Variants in CCDC40 observed in about 807,000 individuals in gnomAD.
The protein encoded by CCDC40 is coiled-coil domain 40 molecular ruler complex subunit.
In CCDC40, 104 loss-of-function variants were observed where a neutral mutation model predicts 124.5. The ratio of observed to expected loss-of-function variants is 0.84; its 90% CI spans 0.71 to 0.98. The LOEUF (loss-of-function observed/expected upper bound fraction) is 0.98, where lower values mean the gene tolerates loss of function less well. Among genes scored for constraint, CCDC40 ranks in the 50% least tolerant of loss-of-function variants. The pLI is 0.00. For missense variants in CCDC40, 1,463 were observed against 1,503.9 expected, an observed-to-expected ratio of 0.97 and a Z score of 0.45; for synonymous variants, 580 against 602.9, an observed-to-expected ratio of 0.96 and a Z score of 0.56.
At chr17:80,067,830 C>T in intron 10 of CCDC40, 1 of 1,427,082 alleles carries the variant, frequency 7.0e-7, no homozygotes, top group Non-Finnish European at 9.1e-7. Context: ...CATGTTGTCA[C>T]ACTTCAGGAC....
At position 80,099,976 on chromosome 17, in the gene CCDC40, GT is replaced by G; in HGVS notation, c.*204del. 1.6e-6 allele frequency: 1 copy of G among 617,868 alleles called. No individual in the cohort carries two copies. The highest frequency in any genetic ancestry group is 2.8e-6 in the Non-Finnish European group (1 of 354,742). 38.3% of individuals were successfully genotyped at this position (617,868 alleles called of 1,614,324 possible). A position where few individuals can be genotyped will look rare whatever the true frequency, so the allele number is the denominator to read the frequency against. ...TTAATAAACCAGGTAAAATCCTAGC[GT>G]TTCCCATGGCATCCCATCGCAAAGA... On this transcript the variant is annotated 3_prime_UTR_variant, in exon 20 of 20. Coordinates refer to ENST00000397545, the MANE Select transcript of CCDC40 (RefSeq NM_017950.4).
intron 12 of CCDC40, among the ~76,000 whole-genome samples, chr17:80,083,184 G>T (rs1397510054): frequency 6.6e-6 from 1 of 151,778 alleles, no homozygotes; most frequent in African/African-American, 2.4e-5. Flanking sequence ...GACTGAAGGG[G>T]ACTTGGAGCC....
At chr17:80,091,628 CCAAT>C (rs61094839) in intron 17 of CCDC40, among the ~76,000 whole-genome samples, 6,093 of 145,160 alleles carry the variant, frequency 0.042, 160 homozygotes, top group East Asian at 0.14. Flanking sequence ...TGTTCAAATG[CCAAT>C]CATTTCCAGG....
chr17:80,095,182 C>A, intron 17 of CCDC40, 81 bp from the exon 18 acceptor site: 3 of 1,334,772 alleles, frequency 2.2e-6, no homozygotes, highest in Non-Finnish European at 3.2e-6. Flanking sequence ...GGAGGATGAG[C>A]GAGGCCAGCG....
At chr17:80,091,464 G>T (rs1362977817) in intron 17 of CCDC40, among the ~76,000 whole-genome samples, 3 of 152,134 alleles carry the variant, frequency 2.0e-5, no homozygotes, top group Non-Finnish European at 4.4e-5. Context: ...CCATGATTCA[G>T]TCAAGTCTAA....
At position 80,087,385 on chromosome 17, in the gene CCDC40, C is replaced by G. The variant is rs145341292; in HGVS notation, c.2450-222C>G. On this transcript the variant is annotated intron_variant, in intron 14 of 19. Transcript: ENST00000397545. The surrounding 1 kb of genome is among the most constrained non-coding windows in gnomAD (Gnocchi z 4.5). Reference sequence around the variant, plus strand: ...CTCTCAGTTCCGTTGGAGGACCAGGCTTTGGGAGCTTAGCAGCCAAAAAGA... The same window carrying G: ...CTCTCAGTTCCGTTGGAGGACCAGGGTTTGGGAGCTTAGCAGCCAAAAAGA... 11 of 588,928 alleles carry G rather than the reference C, an allele frequency of 1.9e-5. No homozygotes were observed. Among genetic ancestry groups the G allele is most frequent in the Middle Eastern group, 4.5e-4 (1 of 2,204 alleles). 36.5% of individuals were successfully genotyped at this position (588,928 alleles called of 1,614,324 possible). A position where few individuals can be genotyped will look rare whatever the true frequency, so the allele number is the denominator to read the frequency against.
rs1004822711 is a variant in CCDC40, at chr17:80,058,886, G to A, written c.1346G>A (p.Arg449Gln). ...CTGTATGTGGACCAGCTCACCACTC[G>A]AGCCCAGCAACTGGAAGAAGACATT... ...QDLYVDQLTT[R>Q]AQQLEEDIAL... The change falls in exon 9 of 20, where the codon CGA (arginine) becomes CAA (glutamine). Residue 449 changes from arginine (R) to glutamine (Q), a missense_variant. Arg to Gln is a conservative substitution (Grantham distance 43). Coordinates refer to ENST00000397545, the MANE Select transcript of CCDC40 (RefSeq NM_017950.4). This position sits in a 1 kb window ranked among gnomAD's most constrained non-coding sequence, Gnocchi z 4.2. 8 of 1,613,988 alleles carry A rather than the reference G, an allele frequency of 5.0e-6. No individual in the cohort carries two copies. Among genetic ancestry groups the A allele is most frequent in the South Asian group, 3.3e-5 (3 of 91,078 alleles).
rs2038592316 is a variant in CCDC40, at chr17:80,086,511, C to A, written c.2449+295C>A. ...ATGGAAGGTTATCATCCCCGCCAAG[C>A]CAGGGCACTCAGGTGGAAACACTGG... is the stretch of plus-strand genomic sequence containing the variant. On this transcript the variant is annotated intron_variant, in intron 14 of 19. Coordinates refer to ENST00000397545, the MANE Select transcript of CCDC40 (RefSeq NM_017950.4). This position sits in a 1 kb window ranked among gnomAD's most constrained non-coding sequence, Gnocchi z 5.5. 2.6e-6 allele frequency: 1 copy of A among 389,696 alleles called. No individual in the cohort carries two copies. The highest frequency in any genetic ancestry group is 2.1e-5 in the African/African-American group (1 of 48,128). The allele number at this position is 389,696 out of a possible 1,614,324, so 24.1% of individuals were successfully genotyped here.
intron 3 of CCDC40, among the ~76,000 whole-genome samples, chr17:80,044,953 T>C (rs909660693): frequency 5.3e-5 from 8 of 152,098 alleles, no homozygotes; most frequent in African/African-American, 7.2e-5. Flanking sequence ...ACAGTGTGAG[T>C]GGAGCTTGTG....
chr17:80,092,798 C>T (rs567361538), intron 17 of CCDC40, among the ~76,000 whole-genome samples: 159 of 152,102 alleles, frequency 1.0e-3, no homozygotes, highest in African/African-American at 3.7e-3. Context: ...TTTCATGGAT[C>T]GTTTCAGTAG....
intron 7 of CCDC40, among the ~76,000 whole-genome samples, chr17:80,056,433 A>T (rs1273156914): frequency 2.0e-5 from 3 of 151,682 alleles, no homozygotes; most frequent in African/African-American, 7.3e-5. Flanking sequence ...CAGCCTGGGC[A>T]ATGCGGCAAA....
At position 80,058,770 on chromosome 17, in the gene CCDC40, G is replaced by A; in HGVS notation, c.1318-88G>A. The A allele has an allele frequency of 1.2e-6, 2 of 1,608,476 alleles. No individual in the cohort carries two copies. The highest frequency in any genetic ancestry group is 1.7e-6 in the Non-Finnish European group (2 of 1,175,312). On this transcript the variant is annotated intron_variant, in intron 8 of 19. Coordinates refer to ENST00000397545, the MANE Select transcript of CCDC40 (RefSeq NM_017950.4). This position sits in a 1 kb window ranked among gnomAD's most constrained non-coding sequence, Gnocchi z 4.2. ...CGGAGGGGTGGCGGCCGGCCTGGGT[G>A]GCGTCAACTTGTATCAAGGGTTGGT...
rs781191402 is a variant in CCDC40 at position 80,087,813 on chromosome 17, G to A, written c.2619+37G>A. 8.8e-6 allele frequency: 14 copies of A among 1,599,824 alleles called. No individual in the cohort carries two copies. The highest frequency in any genetic ancestry group is 4.0e-5 in the African/African-American group (3 of 74,602). On this transcript the variant is annotated intron_variant, in intron 15 of 19. Transcript: ENST00000397545. The surrounding 1 kb of genome is among the most constrained non-coding windows in gnomAD (Gnocchi z 4.5). ...TCCACGCAGTCCCGGGGCTCAGGAC[G>A]ATGGAGGGCGGGGGTACGGTCCTTG...
intron 17 of CCDC40, among the ~76,000 whole-genome samples, chr17:80,094,821 A>G (rs188886561): frequency 6.6e-5 from 10 of 152,256 alleles, no homozygotes; most frequent in African/African-American, 2.2e-4. Flanking sequence ...CCCGCAGCCA[A>G]TCCTCACGCT....
intron 3 of CCDC40, among the ~76,000 whole-genome samples, chr17:80,045,432 C>T (rs372539008): frequency 7.2e-5 from 11 of 152,058 alleles, no homozygotes; most frequent in Admixed American, 2.0e-4. Context: ...AAATGGATGC[C>T]GGGCACAGTG....
rs1347299155 is a variant in CCDC40 at position 80,051,308 on chromosome 17, CAG to C, written c.1159+1028_1159+1029del. Reference sequence around the variant, plus strand: ...AAAGTGGAAGAGGTTCTGGAAATTTCAGAGTTAGGGTAAGTGGGCACTTATCA... The same window carrying C: ...AAAGTGGAAGAGGTTCTGGAAATTTCAGTTAGGGTAAGTGGGCACTTATCA... On this transcript the variant is annotated intron_variant, in intron 7 of 19. Coordinates refer to ENST00000397545, the MANE Select transcript of CCDC40 (RefSeq NM_017950.4). 7 of 983,822 alleles carry C rather than the reference CAG, an allele frequency of 7.1e-6. No individual in the cohort carries two copies. In the African/African-American group the frequency reaches 1.2e-4, roughly 17 times the overall value. The allele number at this position is 983,822 out of a possible 1,614,324, so 60.9% of individuals were successfully genotyped here.
intron 5 of CCDC40, 106 bp from the exon 6 acceptor site, chr17:80,049,800 C>T (rs1404656096): frequency 1.8e-5 from 16 of 877,828 alleles, no homozygotes; most frequent in Middle Eastern, 2.2e-4. Context: ...ACACGGAAGT[C>T]GTCTCTGGCC....
In CCDC40 at chr17:80,099,699, A is replaced by G. The variant is rs921733232; in HGVS notation, c.3353A>G (p.Tyr1118Cys). The change falls in exon 20 of 20, where the codon TAC becomes TGC. Residue 1118 changes from tyrosine (Y) to cysteine (C), a missense_variant. Transcript: ENST00000397545. ...ATILDRVRDE[Y>C]PQFQEALHKV... ...ATCCTGGACCGCGTGCGGGACGAGTACCCCCAGTTCCAGGAGGCCCTGCAC... is the reference window on the plus strand; with the variant it reads ...ATCCTGGACCGCGTGCGGGACGAGTGCCCCCAGTTCCAGGAGGCCCTGCAC... The G allele has an allele frequency of 5.0e-6, 8 of 1,613,618 alleles. No homozygotes were observed. The African/African-American group carries it at 9.3e-5, about 19-fold the overall frequency.
At chr17:80,051,628 CAAAAAAAAAAAAAA>C (rs200887220) in intron 7 of CCDC40, among the ~76,000 whole-genome samples, 29 of 94,126 alleles carry the variant, frequency 3.1e-4, no homozygotes, top group Middle Eastern at 6.3e-3. Flanking sequence ...GACTCCGTCT[CAAAAAAAAAAAAAA>C]AAAAAAAAAA....
Sources: allele counts gnomAD v4.1 joint callset (sites outside exome capture counted in the v4.1 genomes callset), GRCh38; gene constraint gnomAD v4.1.1; non-coding constraint Gnocchi (gnomAD v3.1); transcripts MANE v1.5; gene names NCBI Gene and HGNC (gene_info 2026-07-23, HGNC 2026-07-21).